Variants in RGS7 observed in about 807,000 individuals in gnomAD.
RGS7 encodes the protein regulator of G protein signaling 7.
In RGS7, 27 loss-of-function variants were observed where a neutral mutation model predicts 81.1. The observed-to-expected ratio is 0.33, with a 90% confidence interval of 0.25 to 0.46. RGS7 has a LOEUF of 0.46. Among genes scored for constraint, RGS7 ranks in the 20% least tolerant of loss-of-function variants. RGS7 has a pLI of 1.00. For synonymous variants in RGS7, 208 were observed against 207.7 expected, an observed-to-expected ratio of 1.00 and a Z score of -0.01; for missense variants, 396 against 607.4, an observed-to-expected ratio of 0.65 and a Z score of 3.66.
At chr1:240,906,928 TTAAGAA>T (rs1248913903) in intron 6 of RGS7, among the ~76,000 whole-genome samples, 4 of 152,342 alleles carry the variant, frequency 2.6e-5, no homozygotes, top group East Asian at 1.9e-4. Flanking sequence ...GTACAGCTGC[TTAAGAA>T]TAAGTTATAG....
At chr1:241,215,652 C>T (rs1043834701) in intron 2 of RGS7, among the ~76,000 whole-genome samples, 1 of 152,138 alleles carries the variant, frequency 6.6e-6, no homozygotes, top group Non-Finnish European at 1.5e-5. Context: ...TTTTTGGCCT[C>T]AGTTCTAGCC....
intron 3 of RGS7, among the ~76,000 whole-genome samples, chr1:241,078,164 T>C (rs1195927814): frequency 5.4e-5 from 8 of 148,836 alleles, no homozygotes; most frequent in Middle Eastern, 3.6e-3. Flanking sequence ...AGAAATATTA[T>C]ATATTAATAT....
intron 6 of RGS7, among the ~76,000 whole-genome samples, chr1:240,915,241 G>T (rs1672407977): frequency 6.6e-6 from 1 of 152,128 alleles, no homozygotes; most frequent in Non-Finnish European, 1.5e-5. Flanking sequence ...AACCACCGGG[G>T]AGTAGGGAAA....
At chr1:241,329,585 C>T (rs758054782) in intron 2 of RGS7, among the ~76,000 whole-genome samples, 1 of 152,134 alleles carries the variant, frequency 6.6e-6, no homozygotes, top group Non-Finnish European at 1.5e-5. Context: ...ACAAAGGGCT[C>T]GGTGATATCA....
intron 3 of RGS7, among the ~76,000 whole-genome samples, chr1:241,086,395 C>G (rs1204635382): frequency 6.6e-6 from 1 of 152,222 alleles, no homozygotes; most frequent in African/African-American, 2.4e-5. Flanking sequence ...CCTTAACTCA[C>G]CTGCCCCCCT....
At chr1:240,858,054 A>T (rs1225012568) in intron 9 of RGS7, among the ~76,000 whole-genome samples, 2 of 152,176 alleles carry the variant, frequency 1.3e-5, no homozygotes, top group Non-Finnish European at 2.9e-5. Flanking sequence ...TGTTTCTTTT[A>T]TAAATTACCC....
At chr1:241,054,789 A>G (rs1216767555) in intron 3 of RGS7, among the ~76,000 whole-genome samples, 1 of 152,174 alleles carries the variant, frequency 6.6e-6, no homozygotes, top group Non-Finnish European at 1.5e-5. Flanking sequence ...ATCATGTCTT[A>G]TCCTTTCCAC....
chr1:240,796,185 C>T (rs538973754), intron 18 of RGS7, among the ~76,000 whole-genome samples: 34 of 152,280 alleles, frequency 2.2e-4, no homozygotes, highest in African/African-American at 7.7e-4. Flanking sequence ...GCTCTTTTTA[C>T]CATGTTACCA....
chr1:241,329,039 G>A (rs1345915485), intron 2 of RGS7, among the ~76,000 whole-genome samples: 2 of 152,096 alleles, frequency 1.3e-5, no homozygotes, highest in African/African-American at 4.8e-5. Context: ...GCAACATAAA[G>A]GAGTGAAAAT....
At position 241,175,614 on chromosome 1, in the gene RGS7, A is replaced by G. The variant is rs569154111; in HGVS notation, c.79-76852T>C. Reference sequence around the variant, plus strand: ...GCCAGACCATGATAAATACCATAAGAGGGCACTAGGAAAATACAAGCATTC... The same window carrying G: ...GCCAGACCATGATAAATACCATAAGGGGGCACTAGGAAAATACAAGCATTC... On this transcript the variant is annotated intron_variant, in intron 2 of 18. Transcript: ENST00000440928. Among the ~76,000 whole-genome samples, 29 of 152,276 alleles carry G rather than the reference A, an allele frequency of 1.9e-4. No individual in the cohort carries two copies. The East Asian group carries it at 3.1e-3, about 16-fold the overall frequency.
intron 2 of RGS7, among the ~76,000 whole-genome samples, chr1:241,224,912 G>A (rs1429623614): frequency 1.3e-5 from 2 of 152,240 alleles, no homozygotes; most frequent in East Asian, 3.9e-4. Flanking sequence ...AGATGACCTA[G>A]ACCCTACAAA....
intron 11 of RGS7, 102 bp from the exon 12 acceptor site, chr1:240,814,879 C>T: frequency 1.3e-6 from 1 of 777,710 alleles, no homozygotes; most frequent in Non-Finnish European, 2.3e-6. Context: ...AGAGTATAGT[C>T]TACGTCAGTA....
At chr1:241,275,999 A>C (rs939846342) in intron 2 of RGS7, among the ~76,000 whole-genome samples, 1 of 152,240 alleles carries the variant, frequency 6.6e-6, no homozygotes, top group Non-Finnish European at 1.5e-5. Flanking sequence ...GCGTGGGTTA[A>C]ATCACAGCTG....
At chr1:240,991,000 G>A (rs1348328038) in intron 3 of RGS7, among the ~76,000 whole-genome samples, 1 of 152,170 alleles carries the variant, frequency 6.6e-6, no homozygotes, top group Non-Finnish European at 1.5e-5. Flanking sequence ...AAAATGTTGG[G>A]TTTTGTTGAT....
At chr1:240,911,126 T>C (rs1558453018) in intron 6 of RGS7, among the ~76,000 whole-genome samples, 1 of 152,194 alleles carries the variant, frequency 6.6e-6, no homozygotes, top group Admixed American at 6.5e-5. Context: ...CTCCTTTCAT[T>C]GAAGCTTCCC....
chr1:240,916,264 G>C (rs1183674690), intron 6 of RGS7, among the ~76,000 whole-genome samples: 1 of 123,134 alleles, frequency 8.1e-6, no homozygotes, highest in East Asian at 2.4e-4. Flanking sequence ...GTGACAGAGT[G>C]AGACACTGTC....
chr1:240,870,308 C>T (rs261800), intron 6 of RGS7, among the ~76,000 whole-genome samples, 189 bp from the exon 7 acceptor site: 54,277 of 151,792 alleles, frequency 0.36, 10,523 homozygotes, highest in African/African-American at 0.51. Context: ...ATTTATGATA[C>T]CCTAATAAAA....
chr1:240,863,303 G>A (rs1235431707), intron 9 of RGS7, among the ~76,000 whole-genome samples: 4 of 151,926 alleles, frequency 2.6e-5, no homozygotes, highest in Non-Finnish European at 5.9e-5. Flanking sequence ...GTGAAACCCC[G>A]TCTCTACTAA....
chr1:241,340,426 A>G (rs1423588101), intron 2 of RGS7, among the ~76,000 whole-genome samples: 1 of 152,200 alleles, frequency 6.6e-6, no homozygotes, highest in African/African-American at 2.4e-5. Context: ...AAGAAATAAA[A>G]TAATAATAAT....
Sources: allele counts gnomAD v4.1 joint callset (sites outside exome capture counted in the v4.1 genomes callset), GRCh38; gene constraint gnomAD v4.1.1; transcripts MANE v1.5; gene names NCBI Gene and HGNC (gene_info 2026-07-23, HGNC 2026-07-21).